STXBP5: variants seen among roughly 807,000 people sequenced by gnomAD.
STXBP5 encodes the protein syntaxin-binding protein 5.
In STXBP5, 50 loss-of-function variants were observed where a neutral mutation model predicts 152.4. That is an observed-to-expected ratio of 0.33 (90% CI 0.26 to 0.42). The LOEUF (loss-of-function observed/expected upper bound fraction) is 0.42. Ranked by LOEUF, STXBP5 falls within the 10% of genes least tolerant of loss-of-function variation. The pLI, the probability that STXBP5 is intolerant of heterozygous loss-of-function variation, is 1.00. For missense variants in STXBP5, 1,167 were observed against 1,388.6 expected (o/e 0.84, Z 2.54); for synonymous variants, 492 against 494.7 (o/e 0.99, Z 0.07).
intron 26 of STXBP5, among the ~76,000 whole-genome samples, chr6:147,380,662 T>G (rs1017986856): frequency 7.2e-5 from 11 of 151,944 alleles, no homozygotes; most frequent in African/African-American, 2.7e-4. Flanking sequence ...AAAAGATTGA[T>G]TGGAATTTAT....
At chr6:147,292,421 T>C (rs1368169898) in intron 9 of STXBP5, 4 of 273,734 alleles carry the variant, frequency 1.5e-5, no homozygotes, top group African/African-American at 4.6e-5. Flanking sequence ...ATGACATAGA[T>C]GGATAAAATG....
At chr6:147,235,952 G>C (rs535523604) in intron 3 of STXBP5, among the ~76,000 whole-genome samples, 1 of 152,152 alleles carries the variant, frequency 6.6e-6, no homozygotes, top group Non-Finnish European at 1.5e-5. Context: ...AAAGCTAGTC[G>C]TAGAAGGAAG....
At chr6:147,248,307 C>T (rs1225677850) in intron 4 of STXBP5, among the ~76,000 whole-genome samples, 1 of 151,166 alleles carries the variant, frequency 6.6e-6, no homozygotes, top group Non-Finnish European at 1.5e-5. Flanking sequence ...AACTACTTAG[C>T]TCTGCCAATG....
chr6:147,298,646 G>A (rs942195381), intron 9 of STXBP5, among the ~76,000 whole-genome samples: 4 of 152,004 alleles, frequency 2.6e-5, no homozygotes, highest in African/African-American at 9.7e-5. Context: ...TTTGGCCACA[G>A]TGGTATAAAA....
intron 4 of STXBP5, among the ~76,000 whole-genome samples, chr6:147,256,756 G>T (rs1345468122): frequency 1.3e-5 from 2 of 152,068 alleles, no homozygotes; most frequent in African/African-American, 4.8e-5. Context: ...ACTATGATAG[G>T]TTCCCATATT....
chr6:147,225,573 A>T (rs1777669117), intron 2 of STXBP5, among the ~76,000 whole-genome samples: 1 of 152,220 alleles, frequency 6.6e-6, no homozygotes, highest in South Asian at 2.1e-4. Flanking sequence ...ACAATTTATA[A>T]TGAATATACC....
In STXBP5 at chr6:147,311,492, A is replaced by G. The variant is rs139263039; in HGVS notation, c.1110A>G (p.Glu370=). ...CATATGCTGTGGTTGTTCTTCTAGAAAAGGATTTAGTACTTATAGACCTTG... is the reference window on the plus strand; with the variant it reads ...CATATGCTGTGGTTGTTCTTCTAGAGAAGGATTTAGTACTTATAGACCTTG... The part of the protein sequence containing the change: ...QEPYAVVVLL[E]KDLVLIDLAQ... Residue 370 remains glutamate (E), a synonymous_variant, in exon 11 of 28, where the codon GAA becomes GAG. Transcript: ENST00000321680. 33 of 1,612,344 alleles carry G rather than the reference A, an allele frequency of 2.0e-5. No individual in the cohort carries two copies. The African/African-American group carries it at 4.3e-4, about 21-fold the overall frequency.
chr6:147,205,405 A>G (rs1045409103), intron 1 of STXBP5, among the ~76,000 whole-genome samples: 2 of 140,832 alleles, frequency 1.4e-5, no homozygotes, highest in African/African-American at 2.7e-5. Context: ...TATAGGTCTA[A>G]TGCCCTAAAA....
At chr6:147,330,410 G>C (rs117136022) in intron 18 of STXBP5, among the ~76,000 whole-genome samples, 5,391 of 152,122 alleles carry the variant, frequency 0.035, 149 homozygotes, top group Admixed American at 0.054. Flanking sequence ...TTATAATAAA[G>C]AGAAACTAAA....
At chr6:147,336,004 C>A (rs1158583602) in intron 19 of STXBP5, among the ~76,000 whole-genome samples, 1 of 152,038 alleles carries the variant, frequency 6.6e-6, no homozygotes, top group Non-Finnish European at 1.5e-5. Flanking sequence ...GTAAAAATTG[C>A]GACTTCAAAA....
At chr6:147,374,372 A>ATT (rs969617239) in intron 26 of STXBP5, among the ~76,000 whole-genome samples, 1 of 150,192 alleles carries the variant, frequency 6.7e-6, no homozygotes, top group Non-Finnish European at 1.5e-5. Context: ...CTATCCTTTG[A>ATT]TTTTTTTTTT....
At chr6:147,315,085 T>C (rs951394749) in intron 14 of STXBP5, among the ~76,000 whole-genome samples, 6 of 152,114 alleles carry the variant, frequency 3.9e-5, no homozygotes, top group Non-Finnish European at 7.4e-5. Context: ...AAGCATTCAA[T>C]TGGAATCCAG....
Position 147,364,050 on chromosome 6 carries a change from A to T in STXBP5, c.2965A>T (p.Asn989Tyr). 1.2e-6 allele frequency: 2 copies of T among 1,614,064 alleles called. No homozygotes were observed. The highest frequency in any genetic ancestry group is 1.7e-6 in the Non-Finnish European group (2 of 1,180,010). ...GGATGTGTATTACTTGCCCCTTACC[A>T]ATATGCGGATAGCCAGAACGTTCTG... is the stretch of plus-strand genomic sequence containing the variant. ...LLDVYYLPLT[N>Y]MRIARTFCFT... Residue 989 changes from asparagine to tyrosine, a missense_variant, in exon 25 of 28, where the codon AAT (asparagine) becomes TAT (tyrosine). Physicochemically the swap from Asn to Tyr is moderately radical, Grantham distance 143 (BLOSUM62 -2). Around this residue, in one of 3 missense-constraint regions of STXBP5, gnomAD observed 833 missense variants for 986.3 expected, o/e 0.84. Transcript: ENST00000321680.
intron 7 of STXBP5, among the ~76,000 whole-genome samples, chr6:147,276,260 A>G (rs1032045569): frequency 6.6e-6 from 1 of 152,212 alleles, no homozygotes; most frequent in Non-Finnish European, 1.5e-5. Context: ...AGAAAATTGT[A>G]TAAGTAAATA....
chr6:147,351,808 A>G (rs1419311245), intron 21 of STXBP5: 6 of 983,598 alleles, frequency 6.1e-6, no homozygotes, highest in Non-Finnish European at 7.2e-6. Context: ...CCTCTTTCCT[A>G]ACACTGGATT....
intron 26 of STXBP5, among the ~76,000 whole-genome samples, chr6:147,381,872 T>C (rs1002896473): frequency 1.3e-5 from 2 of 152,108 alleles, no homozygotes; most frequent in Non-Finnish European, 2.9e-5. Flanking sequence ...TGCCAAGAAC[T>C]GCAAAGAGTG....
At chr6:147,354,439 T>G (rs1784726661) in intron 22 of STXBP5, among the ~76,000 whole-genome samples, 1 of 151,994 alleles carries the variant, frequency 6.6e-6, no homozygotes, top group Non-Finnish European at 1.5e-5. Context: ...AGTAGACATT[T>G]TGAGAAGGTC....
chr6:147,314,224 A>G (rs201219186), intron 12 of STXBP5, 40 bp from the exon 13 acceptor site: 52 of 1,509,270 alleles, frequency 3.4e-5, no homozygotes, highest in Admixed American at 5.0e-5. Context: ...GGTATGTAGT[A>G]TGCTTGCAAG....
chr6:147,325,882 A>G (rs1783225008), intron 17 of STXBP5, among the ~76,000 whole-genome samples: 1 of 152,238 alleles, frequency 6.6e-6, no homozygotes, highest in African/African-American at 2.4e-5. Context: ...TTCAGAAAAT[A>G]TAACCAAAAA....
Sources: allele counts gnomAD v4.1 joint callset (sites outside exome capture counted in the v4.1 genomes callset), GRCh38; gene constraint gnomAD v4.1.1; regional missense constraint gnomAD v4.1.1; transcripts MANE v1.5; gene names NCBI Gene and HGNC (gene_info 2026-07-23, HGNC 2026-07-21).